ATP2B2: variants seen among roughly 807,000 people sequenced by gnomAD.
ATP2B2 encodes the protein plasma membrane calcium-transporting ATPase 2.
In ATP2B2, 15 loss-of-function variants were observed where a neutral mutation model predicts 120.0. That is an observed-to-expected ratio of 0.12 (90% CI 0.08 to 0.19). ATP2B2 has a LOEUF of 0.19. Ranked by LOEUF, ATP2B2 falls within the 10% of genes least tolerant of loss-of-function variation. The pLI is 1.00. For missense variants in ATP2B2, 1,045 were observed against 1,719.8 expected (o/e 0.61, Z 6.94); for synonymous variants, 694 against 700.3 (o/e 0.99, Z 0.14).
intron 2 of ATP2B2, among the ~76,000 whole-genome samples, chr3:10,536,614 A>C (rs2067323550): frequency 6.6e-6 from 1 of 151,666 alleles, no homozygotes; most frequent in South Asian, 2.1e-4. Context: ...GCAGCCTTGA[A>C]CTCCCAGGCT....
chr3:10,691,518 C>A (rs954208567), intron 1 of ATP2B2, among the ~76,000 whole-genome samples: 2 of 152,202 alleles, frequency 1.3e-5, no homozygotes, highest in Non-Finnish European at 2.9e-5. Context: ...GGCCCTAGGG[C>A]TTCACTCAGC....
At chr3:10,411,447 C>G (rs541994111) in intron 2 of ATP2B2, among the ~76,000 whole-genome samples, 57 of 152,330 alleles carry the variant, frequency 3.7e-4, no homozygotes, top group African/African-American at 1.3e-3. Context: ...CACACTCCTA[C>G]AGCCGCCTTG....
chr3:10,667,954 G>T (rs1279486315), intron 1 of ATP2B2, among the ~76,000 whole-genome samples: 1 of 139,818 alleles, frequency 7.2e-6, no homozygotes, highest in Non-Finnish European at 1.6e-5. Flanking sequence ...AAGGGCTGTT[G>T]TTTCCTTTCT....
In ATP2B2 at chr3:10,484,220, G is replaced by T. The variant is rs565736634; in HGVS notation, c.-320+21245C>A. ...AACTGAGTTCCTGGAAACTCTGGAGGCATCTCCAGGGACCAGAGACTTCCA... is the reference window on the plus strand; with the variant it reads ...AACTGAGTTCCTGGAAACTCTGGAGTCATCTCCAGGGACCAGAGACTTCCA... On this transcript the variant is annotated intron_variant, in intron 1 of 22. Transcript: ENST00000360273. Among the ~76,000 whole-genome samples, 10 of 152,286 alleles carry T rather than the reference G, an allele frequency of 6.6e-5. No individual in the cohort carries two copies. The South Asian group carries it at 1.9e-3, about 28-fold the overall frequency.
intron 1 of ATP2B2, among the ~76,000 whole-genome samples, chr3:10,703,116 G>A (rs914656048): frequency 3.9e-5 from 6 of 152,148 alleles, no homozygotes; most frequent in African/African-American, 1.4e-4. Flanking sequence ...TTCTTCAAAG[G>A]TCTCTCCCCT....
At chr3:10,353,905 C>T (rs1372664085) in intron 14 of ATP2B2, among the ~76,000 whole-genome samples, 1 of 152,178 alleles carries the variant, frequency 6.6e-6, no homozygotes, top group Non-Finnish European at 1.5e-5. Flanking sequence ...TTCAGCAAGG[C>T]TGGGAGGAAC....
At chr3:10,468,913 T>A (rs2064866858) in intron 1 of ATP2B2, among the ~76,000 whole-genome samples, 1 of 152,212 alleles carries the variant, frequency 6.6e-6, no homozygotes, top group Non-Finnish European at 1.5e-5. Flanking sequence ...CAAACACACT[T>A]CGGTAGTTTT....
chr3:10,700,648 A>G (rs1430965582), intron 1 of ATP2B2, among the ~76,000 whole-genome samples: 1 of 152,248 alleles, frequency 6.6e-6, no homozygotes, highest in Non-Finnish European at 1.5e-5. Context: ...AACATCTCCA[A>G]ACAAGTTGTG....
chr3:10,385,448 C>T (rs1469880475), intron 7 of ATP2B2, 121 bp from the exon 8 acceptor site: 1 of 841,136 alleles, frequency 1.2e-6, no homozygotes, highest in Admixed American at 2.2e-5. Flanking sequence ...AAAAAATTAT[C>T]CTTTGGAAAC....
intron 2 of ATP2B2, among the ~76,000 whole-genome samples, chr3:10,569,778 C>A (rs189399596): frequency 2.0e-5 from 3 of 152,108 alleles, no homozygotes; most frequent in African/African-American, 7.2e-5. Flanking sequence ...GGGTCAACAA[C>A]CGGAGGCTGA....
intron 2 of ATP2B2, among the ~76,000 whole-genome samples, chr3:10,599,850 A>T (rs2068859497): frequency 6.6e-6 from 1 of 151,782 alleles, no homozygotes; most frequent in Non-Finnish European, 1.5e-5. Context: ...GATAAACAAG[A>T]TCATTTTTGA....
chr3:10,583,767 G>C (rs1481225772), intron 2 of ATP2B2, among the ~76,000 whole-genome samples: 1 of 152,172 alleles, frequency 6.6e-6, no homozygotes, highest in Non-Finnish European at 1.5e-5. Context: ...ACTGACCTGG[G>C]TCTTCTGACT....
chr3:10,512,482 A>G (rs147740470), intron 3 of ATP2B2, among the ~76,000 whole-genome samples: 45,452 of 150,044 alleles, frequency 0.3, 7,503 homozygotes, highest in South Asian at 0.45. Flanking sequence ...ACACACACAC[A>G]CACACACACA....
chr3:10,533,651 AG>A (rs2067254389), intron 3 of ATP2B2, among the ~76,000 whole-genome samples: 1 of 152,222 alleles, frequency 6.6e-6, no homozygotes, highest in African/African-American at 2.4e-5. Context: ...AGAATGAAGC[AG>A]GACCAGGTGA....
At chr3:10,541,291 T>C (rs1052580438) in intron 2 of ATP2B2, among the ~76,000 whole-genome samples, 3 of 152,312 alleles carry the variant, frequency 2.0e-5, no homozygotes, top group Admixed American at 2.0e-4. Flanking sequence ...AACTTTATTA[T>C]TTCCTTTCTT....
intron 1 of ATP2B2, among the ~76,000 whole-genome samples, chr3:10,461,962 T>C (rs1308608185): frequency 6.6e-6 from 1 of 152,142 alleles, no homozygotes; most frequent in Non-Finnish European, 1.5e-5. Flanking sequence ...CCTCCCTTCC[T>C]TCTTCCCACT....
At chr3:10,377,422 C>T (rs1455609833) in intron 10 of ATP2B2, among the ~76,000 whole-genome samples, 3 of 152,238 alleles carry the variant, frequency 2.0e-5, no homozygotes, top group East Asian at 3.8e-4. Context: ...CTTCCCCATG[C>T]TGTGGTGTCT....
At chr3:10,472,100 A>G (rs112491851) in intron 1 of ATP2B2, among the ~76,000 whole-genome samples, 2,287 of 147,392 alleles carry the variant, frequency 0.016, 67 homozygotes, top group African/African-American at 0.051. Context: ...AAAAAAAAAA[A>G]AGAGATACAT....
At chr3:10,429,661 ACT>A (rs2063252722) in intron 2 of ATP2B2, among the ~76,000 whole-genome samples, 1 of 152,074 alleles carries the variant, frequency 6.6e-6, no homozygotes, top group South Asian at 2.1e-4. Context: ...CCAATTAATA[ACT>A]CTACCATGGC....
Sources: allele counts gnomAD v4.1 joint callset (sites outside exome capture counted in the v4.1 genomes callset), GRCh38; gene constraint gnomAD v4.1.1; transcripts MANE v1.5; gene names NCBI Gene and HGNC (gene_info 2026-07-23, HGNC 2026-07-21).